MDGA2: variants seen among roughly 807,000 people sequenced by gnomAD.
The protein encoded by MDGA2 is MAM domain containing glycosylphosphatidylinositol anchor 2.
A neutral mutation model predicts 117.8 loss-of-function variants in MDGA2; 40 were observed. That is an observed-to-expected ratio of 0.34 (90% CI 0.26 to 0.44). The LOEUF (loss-of-function observed/expected upper bound fraction) is 0.44, where lower values mean the gene tolerates loss of function less well. Among genes scored for constraint, MDGA2 ranks in the 20% least tolerant of loss-of-function variants. The probability of loss-of-function intolerance (pLI) is 1.00; values close to 1 mark genes in which losing one functional copy is unlikely to be tolerated. For missense variants in MDGA2, 1,123 were observed against 1,250.6 expected (o/e 0.90, Z 1.54); for synonymous variants, 452 against 439.0 (o/e 1.03, Z -0.37).
At chr14:47,072,112 G>GGGGC (rs1555349484) in intron 6 of MDGA2, among the ~76,000 whole-genome samples, 1,619 of 106,820 alleles carry the variant, frequency 0.015, 98 homozygotes, top group African/African-American at 0.02. Context: ...GGGGGGGGGG[G>GGGGC]GGTTTGCAGG....
chr14:47,069,295 G>A (rs777969170), intron 6 of MDGA2, among the ~76,000 whole-genome samples: 6 of 152,074 alleles, frequency 3.9e-5, no homozygotes, highest in African/African-American at 9.7e-5. Context: ...TTTCCACTTC[G>A]TGTCACTTTA....
intron 15 of MDGA2, among the ~76,000 whole-genome samples, chr14:46,847,136 A>T (rs1354185619): frequency 1.3e-5 from 2 of 152,046 alleles, no homozygotes; most frequent in African/African-American, 4.8e-5. Flanking sequence ...ATCAGTGGGA[A>T]TCTCCAGGTA....
chr14:47,528,473 G>T (rs767729587), intron 1 of MDGA2, among the ~76,000 whole-genome samples: 1 of 152,144 alleles, frequency 6.6e-6, no homozygotes, highest in Non-Finnish European at 1.5e-5. Context: ...GTTGAAACTT[G>T]TGGCAACTTT....
chr14:47,049,811 A>T (rs566283405), intron 7 of MDGA2, among the ~76,000 whole-genome samples: 1 of 152,132 alleles, frequency 6.6e-6, no homozygotes, highest in South Asian at 2.1e-4. Context: ...CTGACAGAAC[A>T]CCTATAAAAT....
chr14:46,935,062 C>G (rs1188643415), intron 9 of MDGA2, among the ~76,000 whole-genome samples: 1 of 151,240 alleles, frequency 6.6e-6, no homozygotes, highest in Non-Finnish European at 1.5e-5. Flanking sequence ...CCACTTATTT[C>G]AAATCTCACA....
intron 5 of MDGA2, among the ~76,000 whole-genome samples, chr14:47,116,499 G>A (rs1415499453): frequency 1.3e-5 from 2 of 152,072 alleles, no homozygotes; most frequent in Non-Finnish European, 2.9e-5. Flanking sequence ...CACACTAGCT[G>A]ATTTCAAACT....
intron 8 of MDGA2, among the ~76,000 whole-genome samples, chr14:46,990,866 CCACACACACACACACACA>C (rs201132208): frequency 2.8e-5 from 4 of 140,898 alleles, no homozygotes; most frequent in Admixed American, 2.8e-4. Context: ...ACACACACAC[CCACACACACACACACACA>C]CACACACACA....
rs1415917380 is a variant in MDGA2, at chr14:46,988,121, C to G, written c.1820-30478G>C. ...CTTAGGATGGTACTAGCTAGCAGTG[C>G]CATATATGAATGTATGAGAAGGGTT... On this transcript the variant is annotated intron_variant, in intron 8 of 16. Coordinates refer to ENST00000399232, the MANE Select transcript of MDGA2 (RefSeq NM_001113498.3). Among the ~76,000 whole-genome samples the G allele has an allele frequency of 7.9e-5, 12 of 151,368 alleles. 1 individual carries two copies. The highest frequency in any genetic ancestry group is 7.9e-4 in the Admixed American group (12 of 15,146).
intron 6 of MDGA2, among the ~76,000 whole-genome samples, chr14:47,090,919 C>G (rs926560603): frequency 6.6e-6 from 1 of 152,138 alleles, no homozygotes; most frequent in Non-Finnish European, 1.5e-5. Context: ...TACTGCAGAC[C>G]TAGCCACCCT....
intron 14 of MDGA2, among the ~76,000 whole-genome samples, chr14:46,869,351 CTTTTTTTT>C (rs35619816): frequency 8.4e-6 from 1 of 119,132 alleles, no homozygotes; most frequent in Non-Finnish European, 1.8e-5. Flanking sequence ...CTATGAGATT[CTTTTTTTT>C]TTTTTTTTTT....
At chr14:46,901,079 G>T (rs541850648) in intron 10 of MDGA2, among the ~76,000 whole-genome samples, 1 of 151,274 alleles carries the variant, frequency 6.6e-6, no homozygotes, top group African/African-American at 2.4e-5. Flanking sequence ...GATATGTAAG[G>T]GTGAGAAAAA....
intron 3 of MDGA2, among the ~76,000 whole-genome samples, chr14:47,179,096 G>C (rs1032902100): frequency 1.1e-4 from 16 of 152,116 alleles, no homozygotes; most frequent in African/African-American, 3.6e-4. Context: ...AACCTACTGT[G>C]CCTAGCCTTT....
chr14:47,145,694 T>C (rs1882914795), intron 3 of MDGA2, among the ~76,000 whole-genome samples: 2 of 152,174 alleles, frequency 1.3e-5, no homozygotes, highest in Non-Finnish European at 2.9e-5. Context: ...TACCATATTA[T>C]TTAGGCTGTT....
chr14:47,450,551 G>T (rs1306760253), intron 1 of MDGA2, among the ~76,000 whole-genome samples: 5 of 152,064 alleles, frequency 3.3e-5, no homozygotes, highest in Admixed American at 2.0e-4. Flanking sequence ...AAATCTCAAT[G>T]TCAAATGATA....
At chr14:47,058,103 T>G (rs1246878164) in intron 7 of MDGA2, among the ~76,000 whole-genome samples, 1 of 152,136 alleles carries the variant, frequency 6.6e-6, no homozygotes, top group Non-Finnish European at 1.5e-5. Flanking sequence ...CCTTGTGGTA[T>G]CTCAGCCTCT....
intron 10 of MDGA2, 64 bp from the exon 11 acceptor site, chr14:46,882,285 G>T: frequency 7.2e-7 from 1 of 1,398,596 alleles, no homozygotes; most frequent in Non-Finnish European, 9.6e-7. Flanking sequence ...TAAGAAAATT[G>T]AAAACAAATT....
At chr14:47,189,264 TA>T (rs1223400247) in intron 3 of MDGA2, among the ~76,000 whole-genome samples, 2 of 152,010 alleles carry the variant, frequency 1.3e-5, no homozygotes, top group Non-Finnish European at 2.9e-5. Context: ...AAACACACGC[TA>T]AACTATATGA....
At chr14:47,330,208 C>T in intron 1 of MDGA2, among the ~76,000 whole-genome samples, 1 of 151,872 alleles carries the variant, frequency 6.6e-6, no homozygotes, top group East Asian at 1.9e-4. Context: ...TAATTTATAT[C>T]AGGTATTTTG....
chr14:47,111,738 C>T (rs561305145), intron 5 of MDGA2, among the ~76,000 whole-genome samples: 13 of 152,152 alleles, frequency 8.5e-5, no homozygotes, highest in African/African-American at 3.1e-4. Context: ...GCAACAGTAG[C>T]AGTTGGTAAT....
Sources: allele counts gnomAD v4.1 joint callset (sites outside exome capture counted in the v4.1 genomes callset), GRCh38; gene constraint gnomAD v4.1.1; transcripts MANE v1.5; gene names NCBI Gene and HGNC (gene_info 2026-07-23, HGNC 2026-07-21).